Variants in EYA1 observed in about 807,000 individuals in gnomAD.
EYA1 encodes the protein protein phosphatase EYA1.
Under a neutral mutation model 82.0 loss-of-function variants are expected in EYA1, and 16 were observed. The ratio of observed to expected loss-of-function variants is 0.20; its 90% confidence interval spans 0.13 to 0.30. EYA1 has a LOEUF of 0.30. EYA1 is among the 10% of genes least tolerant of loss of function. EYA1 has a pLI of 1.00. For synonymous variants in EYA1, 261 were observed against 264.4 expected (o/e 0.99, Z 0.12); for missense variants, 633 against 730.7 (o/e 0.87, Z 1.54).
chr8:71,519,051 C>A (rs1224048368), intron 2 of EYA1, among the ~76,000 whole-genome samples: 1 of 152,156 alleles, frequency 6.6e-6, no homozygotes, highest in East Asian at 1.9e-4. Flanking sequence ...TTACCAATTT[C>A]TACTGCCAAT....
At chr8:71,361,584 C>T in intron 1 of EYA1, 63 bp downstream of exon 1, 1 of 850,218 alleles carries the variant, frequency 1.2e-6, no homozygotes, top group Non-Finnish European at 1.4e-6. Flanking sequence ...TTAGCTTGGG[C>T]TTTGCCCACA....
intron 4 of EYA1, among the ~76,000 whole-genome samples, chr8:71,323,393 T>G (rs113387070): frequency 6.6e-6 from 1 of 152,196 alleles, no homozygotes; most frequent in Non-Finnish European, 1.5e-5. Context: ...GGAGGTTCCA[T>G]GTACTCAAAG....
intron 2 of EYA1, among the ~76,000 whole-genome samples, chr8:71,388,073 C>T (rs1309509178): frequency 6.6e-6 from 1 of 152,108 alleles, no homozygotes; most frequent in Non-Finnish European, 1.5e-5. Context: ...TATATTCTAC[C>T]CATCTTCTAG....
intron 2 of EYA1, among the ~76,000 whole-genome samples, chr8:71,395,838 A>T (rs965249288): frequency 6.6e-6 from 1 of 152,042 alleles, no homozygotes; most frequent in Non-Finnish European, 1.5e-5. Flanking sequence ...CTCTTTTTCT[A>T]TTGATTGGAA....
chr8:71,211,171 T>C lies in EYA1; in HGVS notation c.1683A>G (p.Glu561=), dbSNP rs1289739939. The C allele has an allele frequency of 1.3e-5, 21 of 1,611,716 alleles. No individual in the cohort carries two copies. The highest frequency in any genetic ancestry group is 1.8e-5 in the Non-Finnish European group (21 of 1,177,852). The change falls in exon 17 of 18, where the codon GAA becomes GAG. Residue 561 remains glutamate (E), a synonymous_variant. Transcript: ENST00000340726. The part of the protein sequence containing the change: ...YVVIGDGVEE[E]QGAKKHAMPF... ...GAATGCTCACCTTTTTTGCTCCTTG[T>C]TCTTCTTCTACACCATCTCCTATAA... is the stretch of plus-strand genomic sequence containing the variant.
intron 2 of EYA1, among the ~76,000 whole-genome samples, chr8:71,446,904 C>T (rs1806927256): frequency 6.6e-6 from 1 of 152,024 alleles, no homozygotes; most frequent in African/African-American, 2.4e-5. Flanking sequence ...TAAAATGCTC[C>T]TGCCCATATT....
At chr8:71,396,194 T>C (rs1045832238) in intron 2 of EYA1, among the ~76,000 whole-genome samples, 3 of 152,184 alleles carry the variant, frequency 2.0e-5, no homozygotes, top group African/African-American at 4.8e-5. Flanking sequence ...TCTTCTTTAT[T>C]AGTCTTTCTA....
At chr8:71,266,123 A>G (rs573701005) in intron 11 of EYA1, among the ~76,000 whole-genome samples, 1 of 152,294 alleles carries the variant, frequency 6.6e-6, no homozygotes, top group African/African-American at 2.4e-5. Context: ...CACTGTGACT[A>G]AGCTACTTCT....
chr8:71,475,176 T>A (rs1809557106), intron 2 of EYA1, among the ~76,000 whole-genome samples: 1 of 152,194 alleles, frequency 6.6e-6, no homozygotes, highest in Non-Finnish European at 1.5e-5. Flanking sequence ...ATTCATGTGT[T>A]AACATGGAAC....
At chr8:71,248,136 A>G (rs1374021517) in intron 11 of EYA1, among the ~76,000 whole-genome samples, 1 of 152,196 alleles carries the variant, frequency 6.6e-6, no homozygotes, top group African/African-American at 2.4e-5. Flanking sequence ...GTGGTAAAAT[A>G]CAACACAGAT....
At chr8:71,331,279 CACACA>C (rs1823821907) in intron 4 of EYA1, among the ~76,000 whole-genome samples, 1 of 124,856 alleles carries the variant, frequency 8.0e-6, no homozygotes, top group Non-Finnish European at 1.7e-5. Flanking sequence ...CACACACACA[CACACA>C]CATATATATA....
At chr8:71,407,506 C>A (rs1214770022) in intron 2 of EYA1, among the ~76,000 whole-genome samples, 2 of 147,926 alleles carry the variant, frequency 1.4e-5, no homozygotes, top group African/African-American at 2.5e-5. Flanking sequence ...ACTAGAATAA[C>A]CAATACAGAG....
At chr8:71,522,198 C>T (rs1813451492) in intron 2 of EYA1, among the ~76,000 whole-genome samples, 1 of 152,126 alleles carries the variant, frequency 6.6e-6, no homozygotes, top group South Asian at 2.1e-4. Flanking sequence ...ATGCATTTTG[C>T]CTCCTTGAAT....
chr8:71,335,029 T>A (rs997989924), intron 3 of EYA1, among the ~76,000 whole-genome samples: 3 of 152,330 alleles, frequency 2.0e-5, no homozygotes, highest in African/African-American at 7.2e-5. Context: ...TACATTTTTT[T>A]AAAAGAAGAA....
At chr8:71,356,321 GCA>G (rs1252641687) in intron 2 of EYA1, 139 bp downstream of exon 2, 34 of 652,114 alleles carry the variant, frequency 5.2e-5, no homozygotes, top group South Asian at 1.2e-4. Flanking sequence ...TGTTTTACAA[GCA>G]CACACACACA....
At chr8:71,224,624 T>A (rs1165285925) in intron 12 of EYA1, among the ~76,000 whole-genome samples, 1 of 152,250 alleles carries the variant, frequency 6.6e-6, no homozygotes, top group East Asian at 1.9e-4. Flanking sequence ...GTAGTTCTAG[T>A]ACTTTAGTGA....
chr8:71,315,029 TC>T (rs1259568517), intron 7 of EYA1, among the ~76,000 whole-genome samples: 9 of 152,288 alleles, frequency 5.9e-5, no homozygotes, highest in Admixed American at 5.9e-4. Context: ...TTTGTCTTTT[TC>T]TGAATTGTTC....
chr8:71,255,423 G>C (rs923562887), intron 11 of EYA1, among the ~76,000 whole-genome samples: 4 of 152,156 alleles, frequency 2.6e-5, no homozygotes, highest in Non-Finnish European at 5.9e-5. Flanking sequence ...AATATAGAGA[G>C]AGACCAGAAA....
At chr8:71,326,874 A>G (rs556201730) in intron 4 of EYA1, among the ~76,000 whole-genome samples, 2 of 152,246 alleles carry the variant, frequency 1.3e-5, no homozygotes, top group East Asian at 3.9e-4. Context: ...CCATGCATCA[A>G]ACAGTGACCT....
Sources: gnomAD v4.1 joint callset for allele counts (sites outside exome capture counted in the v4.1 genomes callset) on GRCh38, gnomAD v4.1.1 for gene constraint, MANE v1.5 for transcripts, NCBI Gene and HGNC (gene_info 2026-07-23, HGNC 2026-07-21) for gene names.